Variants in KLF8 observed in about 807,000 individuals in gnomAD.
The protein encoded by KLF8 is KLF transcription factor 8.
Under a neutral mutation model 18.2 loss-of-function variants are expected in KLF8, and 10 were observed. That is an observed-to-expected ratio of 0.55 (90% CI 0.34 to 0.93). KLF8 has a LOEUF of 0.93. KLF8 is among the 40% of genes least tolerant of loss of function. KLF8 has a pLI of 0.02. For missense variants in KLF8, 264 were observed against 277.9 expected, an observed-to-expected ratio of 0.95 and a Z score of 0.36; for synonymous variants, 109 against 97.3, an observed-to-expected ratio of 1.12 and a Z score of -0.71.
At chrX:55,994,726 G>C in the KLF8 span, among the ~76,000 whole-genome samples, 1 of 111,715 alleles carries the variant, frequency 9.0e-6, no homozygotes, top group Non-Finnish European at 1.9e-5. Flanking sequence ...TAATTGTATG[G>C]TTTTTGAGAG....
At chrX:56,029,422 C>A in the KLF8 span, among the ~76,000 whole-genome samples, 1 of 111,250 alleles carries the variant, frequency 9.0e-6, no homozygotes, top group Non-Finnish European at 1.9e-5. Context: ...AGCAGGTCCA[C>A]GGTAGGTAGA....
At chrX:56,234,421 C>A (rs2066447963) in intron 1 of KLF8, among the ~76,000 whole-genome samples, 1 of 111,783 alleles carries the variant, frequency 8.9e-6, no homozygotes. Flanking sequence ...GTGGCAGAGG[C>A]TGCCACTTGT....
chrX:56,214,626 G>A, the KLF8 span, among the ~76,000 whole-genome samples: 19 of 112,346 alleles, frequency 1.7e-4, no homozygotes, highest in South Asian at 2.6e-3. Flanking sequence ...GAGATGATGC[G>A]AATAAATATA....
the KLF8 span, among the ~76,000 whole-genome samples, chrX:55,999,983 C>T: frequency 1.8e-5 from 2 of 111,663 alleles, no homozygotes. Flanking sequence ...GTGGGTTTGT[C>T]ATATATGACC....
At chrX:55,968,051 A>G in the KLF8 span, among the ~76,000 whole-genome samples, 1 of 111,881 alleles carries the variant, frequency 8.9e-6, no homozygotes, top group Non-Finnish European at 1.9e-5. Flanking sequence ...GAAGCAAGAA[A>G]TTAAAACAGA....
the KLF8 span, among the ~76,000 whole-genome samples, chrX:56,207,330 G>A: frequency 8.9e-6 from 1 of 112,214 alleles, no homozygotes; most frequent in African/African-American, 3.2e-5. Flanking sequence ...GCATCATCAG[G>A]CTGCAAATTT....
the KLF8 span, among the ~76,000 whole-genome samples, chrX:56,018,775 G>A: frequency 3.2e-4 from 36 of 110,989 alleles, no homozygotes; most frequent in Non-Finnish European, 6.0e-4. Flanking sequence ...GTTACACTGG[G>A]CATTTGTTTG....
chrX:56,260,732 C>G (rs187759131), intron 2 of KLF8, among the ~76,000 whole-genome samples: 32 of 112,117 alleles, frequency 2.9e-4, no homozygotes, highest in African/African-American at 1.0e-3. Context: ...TTGACCTAAA[C>G]ATGAATGTGT....
At chrX:56,130,950 A>G in the KLF8 span, among the ~76,000 whole-genome samples, 1 of 111,816 alleles carries the variant, frequency 8.9e-6, no homozygotes, top group Admixed American at 9.5e-5. Context: ...TAACCAGCAA[A>G]GACAAAGAGA....
At chrX:56,110,189 G>C in the KLF8 span, among the ~76,000 whole-genome samples, 1 of 111,640 alleles carries the variant, frequency 9.0e-6, no homozygotes, top group African/African-American at 3.3e-5. Flanking sequence ...TATCATTGAT[G>C]GGCATTTGGG....
At chrX:56,257,003 G>A (rs749542509) in intron 2 of KLF8, among the ~76,000 whole-genome samples, 1 of 111,827 alleles carries the variant, frequency 8.9e-6, no homozygotes, top group South Asian at 3.7e-4. Context: ...TTGCCTGGCA[G>A]GAGCATATTT....
the KLF8 span, among the ~76,000 whole-genome samples, chrX:56,007,732 C>G: frequency 5.4e-5 from 6 of 111,324 alleles, no homozygotes; most frequent in South Asian, 2.3e-3. Context: ...AAAACGTTTT[C>G]AAATACATAA....
At chrX:56,231,519 GTC>G (rs1308081008), upstream of KLF8, among the ~76,000 whole-genome samples, 1 of 111,545 alleles carries the variant, frequency 9.0e-6, no homozygotes, top group Non-Finnish European at 1.9e-5. Context: ...TATTTCTCCT[GTC>G]TCTTTGCTCT....
At chrX:56,201,100 C>G in the KLF8 span, among the ~76,000 whole-genome samples, 2 of 111,764 alleles carry the variant, frequency 1.8e-5, no homozygotes, top group South Asian at 3.7e-4. Flanking sequence ...TTAGCAATCC[C>G]ACTTCTAGGT....
At chrX:56,241,171 C>G (rs1226177730) in intron 1 of KLF8, among the ~76,000 whole-genome samples, 2 of 110,968 alleles carry the variant, frequency 1.8e-5, no homozygotes, top group African/African-American at 3.3e-5. Context: ...TTAAAATCAC[C>G]CATAATTTTT....
chrX:56,064,085 G>A, the KLF8 span, among the ~76,000 whole-genome samples: 55,298 of 103,665 alleles, frequency 0.53, 13,530 homozygotes, highest in East Asian at 0.76. Context: ...ACATGTGTGT[G>A]TATATATACA....
intron 1 of KLF8, among the ~76,000 whole-genome samples, chrX:56,235,358 T>C (rs2066460167): frequency 9.2e-6 from 1 of 108,545 alleles, no homozygotes; most frequent in Admixed American, 1.0e-4. Context: ...AACATTGTAG[T>C]ATTGGGCTCA....
At chrX:56,198,880 A>C in the KLF8 span, among the ~76,000 whole-genome samples, 1 of 112,009 alleles carries the variant, frequency 8.9e-6, no homozygotes, top group South Asian at 3.7e-4. Context: ...TGGTACTGGT[A>C]CCAAAAGAGA....
At chrX:56,142,307 A>G in the KLF8 span, among the ~76,000 whole-genome samples, 2 of 111,596 alleles carry the variant, frequency 1.8e-5, no homozygotes, top group South Asian at 7.5e-4. Context: ...GTAGCAAAAG[A>G]TAGTTTTAGT....
Sources: allele counts gnomAD v4.1 joint callset (sites outside exome capture counted in the v4.1 genomes callset), GRCh38; gene constraint gnomAD v4.1.1; transcripts MANE v1.5; gene names NCBI Gene and HGNC (gene_info 2026-07-23, HGNC 2026-07-21).